Variants in PCLO observed in about 807,000 individuals in gnomAD.
PCLO encodes the protein protein piccolo.
A neutral mutation model predicts 427.5 loss-of-function variants in PCLO; 82 were observed. That is an observed-to-expected ratio of 0.19 (90% CI 0.16 to 0.23). The LOEUF is 0.23. Among genes scored for constraint, PCLO ranks in the 10% least tolerant of loss-of-function variants. The pLI is 1.00. For synonymous variants in PCLO, 2,357 were observed against 2,155.4 expected, an observed-to-expected ratio of 1.09 and a Z score of -2.59; for missense variants, 6,239 against 6,115.9, an observed-to-expected ratio of 1.02 and a Z score of -0.67.
intron 3 of PCLO, among the ~76,000 whole-genome samples, chr7:82,977,688 A>G (rs890036438): frequency 5.3e-5 from 8 of 152,138 alleles, no homozygotes; most frequent in Non-Finnish European, 8.8e-5. Context: ...TGCTGGGATT[A>G]CAGGCGTGAG....
At chr7:82,792,739 C>T (rs959985031) in intron 22 of PCLO, among the ~76,000 whole-genome samples, 5 of 152,110 alleles carry the variant, frequency 3.3e-5, no homozygotes, top group Non-Finnish European at 7.3e-5. Flanking sequence ...AACCCACTGC[C>T]AATTATTTTT....
intron 3 of PCLO, among the ~76,000 whole-genome samples, chr7:83,014,297 G>A (rs17238334): frequency 0.027 from 4,165 of 152,114 alleles, 79 homozygotes; most frequent in Non-Finnish European, 0.037. Context: ...CTGTTCTACC[G>A]TCAAAATAAG....
Position 82,955,967 on chromosome 7 carries a change from T to C in PCLO, c.4986A>G (p.Gly1662=). The C allele has an allele frequency of 6.2e-7, 1 of 1,613,498 alleles. No individual in the cohort carries two copies. The highest frequency in any genetic ancestry group is 8.5e-7 in the Non-Finnish European group (1 of 1,179,706). Residue 1662 remains glycine (G), a synonymous_variant, in exon 5 of 25, where the codon GGA becomes GGG. Transcript: ENST00000333891. The stretch of plus-strand genomic sequence containing the variant: ...CAATTGTTTTAAATCGGCGTAGCCC[T>C]CCTCCTCCAGTAACTACAAGTTCTT... The part of the protein sequence containing the change: ...ESEELVVTGG[G]GLRRFKTIEL...
At chr7:82,878,123 C>G (rs550549950) in intron 10 of PCLO, among the ~76,000 whole-genome samples, 1 of 152,250 alleles carries the variant, frequency 6.6e-6, no homozygotes, top group East Asian at 1.9e-4. Context: ...CCACTATAGC[C>G]AATTCAAGCT....
chr7:83,087,096 A>T (rs1218250300), intron 3 of PCLO, among the ~76,000 whole-genome samples: 3 of 150,200 alleles, frequency 2.0e-5, no homozygotes, highest in South Asian at 2.1e-4. Context: ...GAGGGAGGGA[A>T]AGCATTAGGA....
At position 82,916,087 on chromosome 7, in the gene PCLO, T is replaced by C. The variant is rs374661718; in HGVS notation, c.11899A>G (p.Thr3967Ala). The C allele has an allele frequency of 6.2e-7, 1 of 1,613,472 alleles. No homozygotes were observed. The highest frequency in any genetic ancestry group is 1.3e-5 in the African/African-American group (1 of 74,916). The part of the protein sequence containing the change: ...MVIQQKPRQT[T>A]LYLEPKITSN... ...GTTATCTTGGGCTCCAAATATAATG[T>C]AGTTTGCCGTGGCTTCTGTTGTATC... Residue 3967 changes from threonine to alanine, a missense_variant, in exon 7 of 25, where the codon ACA becomes GCA. This residue lies in a region of PCLO where 680 missense variants were observed against 677.3 expected (regional missense o/e 1.00). Transcript: ENST00000333891.
intron 10 of PCLO, among the ~76,000 whole-genome samples, chr7:82,873,816 A>T (rs1424658751): frequency 2.2e-5 from 3 of 134,000 alleles, no homozygotes; most frequent in Non-Finnish European, 5.0e-5. Context: ...GTAGTTCTAG[A>T]TTGGGGGGGT....
At chr7:82,816,446 C>T (rs1277342223) in intron 20 of PCLO, among the ~76,000 whole-genome samples, 1 of 152,076 alleles carries the variant, frequency 6.6e-6, no homozygotes, top group Non-Finnish European at 1.5e-5. Context: ...TGCCCTCCCC[C>T]ATCAGCATTT....
At chr7:83,107,415 C>T (rs568024920) in intron 3 of PCLO, among the ~76,000 whole-genome samples, 8 of 152,156 alleles carry the variant, frequency 5.3e-5, no homozygotes, top group African/African-American at 1.9e-4. Flanking sequence ...ACTACAATAA[C>T]ATTTGCTTTC....
intron 9 of PCLO, among the ~76,000 whole-genome samples, chr7:82,900,836 C>T (rs977455731): frequency 2.0e-5 from 3 of 151,602 alleles, no homozygotes; most frequent in South Asian, 2.1e-4. Flanking sequence ...ACATTAGTAA[C>T]GTTGGGCAAA....
At chr7:82,977,391 T>TATTTA (rs1346040108) in intron 3 of PCLO, among the ~76,000 whole-genome samples, 1 of 146,082 alleles carries the variant, frequency 6.8e-6, no homozygotes, top group Admixed American at 6.8e-5. Flanking sequence ...TTTATTTATT[T>TATTTA]ATTTATTTAT....
At chr7:83,108,002 A>G (rs1392544310) in intron 3 of PCLO, among the ~76,000 whole-genome samples, 6 of 139,984 alleles carry the variant, frequency 4.3e-5, no homozygotes, top group African/African-American at 1.5e-4. Flanking sequence ...AAAAAAAAAA[A>G]AAAAAAAAAA....
At chr7:82,854,625 T>C (rs547342852) in intron 10 of PCLO, among the ~76,000 whole-genome samples, 2 of 152,268 alleles carry the variant, frequency 1.3e-5, no homozygotes, top group African/African-American at 4.8e-5. Flanking sequence ...ATGAAACAGA[T>C]TGTTATGCAA....
At chr7:83,090,867 T>C (rs773260093) in intron 3 of PCLO, among the ~76,000 whole-genome samples, 1 of 152,146 alleles carries the variant, frequency 6.6e-6, no homozygotes. Flanking sequence ...CCTCCTATCA[T>C]TGCCTCCCTT....
At chr7:83,148,773 T>C (rs1792058495) in intron 2 of PCLO, among the ~76,000 whole-genome samples, 1 of 152,188 alleles carries the variant, frequency 6.6e-6, no homozygotes, top group Non-Finnish European at 1.5e-5. Context: ...TATATGTCAT[T>C]CATGCCATGT....
intron 8 of PCLO, 88 bp downstream of exon 8, chr7:82,908,789 A>G: frequency 8.8e-7 from 1 of 1,134,644 alleles, no homozygotes; most frequent in Non-Finnish European, 1.3e-6. Context: ...CAAACATCTC[A>G]TTCCTTTTAG....
In PCLO at chr7:82,952,993, T is replaced by G; in HGVS notation, c.7960A>C (p.Thr2654Pro). 2 of 1,613,864 alleles carry G rather than the reference T, an allele frequency of 1.2e-6. No homozygotes were observed. ...ALQTFSATPV[T>P]APSSFQAAPT... The stretch of plus-strand genomic sequence containing the variant: ...GCTGCTTGAAATGAAGAGGGTGCTG[T>G]GACAGGGGTAGCAGAAAATGTCTGT... Residue 2654 changes from threonine (T) to proline (P), a missense_variant, in exon 5 of 25, where the codon ACA becomes CCA. Physicochemically the swap from Thr to Pro is conservative, Grantham distance 38 (BLOSUM62 -1). Transcript: ENST00000333891.
intron 16 of PCLO, among the ~76,000 whole-genome samples, chr7:82,835,015 G>C (rs1361087389): frequency 6.6e-6 from 1 of 151,856 alleles, no homozygotes; most frequent in Non-Finnish European, 1.5e-5. Context: ...TGCGATCTTG[G>C]CTCACTGCAA....
rs1790355024 is a variant in PCLO, at chr7:82,758,097, T to G, written c.*478A>C. ...TGTAGGTATATCTTATGTCAGAATC[T>G]GAAAGCAGCAAGTTGTCTGAATAGA... On this transcript the variant is annotated 3_prime_UTR_variant, in exon 25 of 25. Transcript: ENST00000333891. 1 of 152,230 alleles carries G rather than the reference T, an allele frequency of 6.6e-6. No individual in the cohort carries two copies. Among genetic ancestry groups the G allele is most frequent in the South Asian group, 2.1e-4 (1 of 4,834 alleles). The allele number at this position is 152,230 out of a possible 1,614,324, so 9.4% of individuals were successfully genotyped here.
Sources: gnomAD v4.1 joint callset for allele counts (sites outside exome capture counted in the v4.1 genomes callset) on GRCh38, gnomAD v4.1.1 for gene constraint, gnomAD v4.1.1 regional missense constraint, MANE v1.5 for transcripts, NCBI Gene and HGNC (gene_info 2026-07-23, HGNC 2026-07-21) for gene names.